The following MTUS2 variants were observed in gnomAD, a reference collection of about 807,000 sequenced individuals.
The protein encoded by MTUS2 is microtubule-associated tumor suppressor candidate 2.
A neutral mutation model predicts 114.1 loss-of-function variants in MTUS2; 40 were observed. The ratio of observed to expected loss-of-function variants is 0.35; its 90% confidence interval spans 0.27 to 0.46. The LOEUF (loss-of-function observed/expected upper bound fraction) is 0.46, where lower values mean the gene tolerates loss of function less well. Ranked by LOEUF, MTUS2 falls within the 20% of genes least tolerant of loss-of-function variation. The pLI is 1.00. For synonymous variants in MTUS2, 688 were observed against 672.0 expected (o/e 1.02, Z -0.37); for missense variants, 1,679 against 1,705.4 (o/e 0.98, Z 0.27).
chr13:29,196,994 ATG>A (rs1894730701), intron 5 of MTUS2, among the ~76,000 whole-genome samples: 2 of 152,080 alleles, frequency 1.3e-5, no homozygotes, highest in Admixed American at 1.3e-4. Flanking sequence ...ACTGGACTAT[ATG>A]GTAGTTCTGT....
intron 6 of MTUS2, among the ~76,000 whole-genome samples, chr13:29,294,128 A>G (rs975882218): frequency 1.3e-5 from 2 of 152,176 alleles, no homozygotes; most frequent in African/African-American, 4.8e-5. Context: ...GTTACAGAAA[A>G]AAATGAAACA....
At chr13:29,453,961 G>A (rs926602445) in intron 9 of MTUS2, among the ~76,000 whole-genome samples, 2 of 152,168 alleles carry the variant, frequency 1.3e-5, no homozygotes, top group Non-Finnish European at 2.9e-5. Flanking sequence ...CCAGGGCCAT[G>A]GTTAGGTATT....
At chr13:29,122,059 A>C (rs1891333806) in intron 5 of MTUS2, among the ~76,000 whole-genome samples, 1 of 152,170 alleles carries the variant, frequency 6.6e-6, no homozygotes, top group Admixed American at 6.5e-5. Context: ...AGTGTAGTAC[A>C]AGTAGGTATA....
intron 6 of MTUS2, among the ~76,000 whole-genome samples, chr13:29,312,137 A>G (rs1431110703): frequency 1.3e-5 from 2 of 152,114 alleles, no homozygotes; most frequent in African/African-American, 4.8e-5. Flanking sequence ...AACCTTCTTC[A>G]CTGAAGCCTT....
intron 8 of MTUS2, among the ~76,000 whole-genome samples, chr13:29,439,049 T>C (rs1275825881): frequency 2.6e-5 from 4 of 152,222 alleles, no homozygotes; most frequent in African/African-American, 9.6e-5. Flanking sequence ...ATGATACTCA[T>C]GCTAGGTATT....
chr13:29,176,640 C>G (rs1430988394), intron 5 of MTUS2, among the ~76,000 whole-genome samples: 1 of 152,186 alleles, frequency 6.6e-6, no homozygotes, highest in African/African-American at 2.4e-5. Context: ...AACAAGCTCC[C>G]CCAGGCCTCT....
At chr13:28,830,380 G>A (rs1365918754) in intron 1 of MTUS2, among the ~76,000 whole-genome samples, 1 of 152,068 alleles carries the variant, frequency 6.6e-6, no homozygotes, top group Non-Finnish European at 1.5e-5. Flanking sequence ...AGAGCTGAAG[G>A]AAACCTTGTC....
At chr13:28,872,311 C>G (rs2138104903) in intron 2 of MTUS2, among the ~76,000 whole-genome samples, 1 of 152,094 alleles carries the variant, frequency 6.6e-6, no homozygotes, top group East Asian at 1.9e-4. Flanking sequence ...GGTTTTTGTC[C>G]TGAGCATTTG....
chr13:28,842,215 T>G (rs974341067), intron 2 of MTUS2, among the ~76,000 whole-genome samples: 1 of 152,144 alleles, frequency 6.6e-6, no homozygotes, highest in African/African-American at 2.4e-5. Context: ...AATGTGGATT[T>G]TTTTTTTAAT....
chr13:28,969,433 T>C (rs9579255), intron 2 of MTUS2, among the ~76,000 whole-genome samples: 35,351 of 152,068 alleles, frequency 0.23, 4,343 homozygotes, highest in Non-Finnish European at 0.26. Context: ...CTTCTAGTTA[T>C]TTGAAACCAT....
At chr13:29,130,191 C>CATGTTTA (rs1261776418) in intron 5 of MTUS2, among the ~76,000 whole-genome samples, 4 of 149,950 alleles carry the variant, frequency 2.7e-5, no homozygotes, top group Non-Finnish European at 6.0e-5. Flanking sequence ...CATTAATTAA[C>CATGTTTA]ACGTTTAACT....
At chr13:29,454,261 C>G (rs1878950668) in intron 9 of MTUS2, among the ~76,000 whole-genome samples, 1 of 152,070 alleles carries the variant, frequency 6.6e-6, no homozygotes, top group Non-Finnish European at 1.5e-5. Flanking sequence ...TTACAAAGGT[C>G]CTGATGAAGA....
chr13:29,448,003 C>T (rs566989506), intron 9 of MTUS2, among the ~76,000 whole-genome samples: 2 of 152,162 alleles, frequency 1.3e-5, no homozygotes, highest in South Asian at 4.2e-4. Context: ...GATGCTCTTC[C>T]TCAGAAAGGA....
At chr13:29,365,500 T>A (rs1330633693) in intron 8 of MTUS2, among the ~76,000 whole-genome samples, 1 of 25,614 alleles carries the variant, frequency 3.9e-5, no homozygotes, top group Non-Finnish European at 1.3e-4. Flanking sequence ...ATACGTTTTT[T>A]TGTTTGGGTT....
At chr13:29,027,652 C>T (rs979212929) in intron 3 of MTUS2, among the ~76,000 whole-genome samples, 6 of 152,104 alleles carry the variant, frequency 3.9e-5, no homozygotes, top group Non-Finnish European at 7.4e-5. Flanking sequence ...TCTGGGTTCA[C>T]GCCATCCTCC....
At chr13:29,336,592 G>A (rs1225192629) in intron 7 of MTUS2, among the ~76,000 whole-genome samples, 1 of 152,182 alleles carries the variant, frequency 6.6e-6, no homozygotes, top group Non-Finnish European at 1.5e-5. Context: ...CTGCTGGGAG[G>A]TATCTCCCAG....
At chr13:29,467,788 A>G (rs1473088900) in intron 9 of MTUS2, among the ~76,000 whole-genome samples, 2 of 152,190 alleles carry the variant, frequency 1.3e-5, no homozygotes, top group Admixed American at 6.5e-5. Context: ...GTCATTATCC[A>G]TTTGTTGAAA....
At chr13:28,869,789 CAA>C (rs932038748) in intron 2 of MTUS2, among the ~76,000 whole-genome samples, 4 of 151,864 alleles carry the variant, frequency 2.6e-5, no homozygotes, top group Non-Finnish European at 5.9e-5. Flanking sequence ...ACAAAACAAA[CAA>C]AAAAAGTAGT....
chr13:29,430,830 G>C (rs546867930), intron 8 of MTUS2, among the ~76,000 whole-genome samples: 4 of 152,112 alleles, frequency 2.6e-5, no homozygotes, highest in Non-Finnish European at 5.9e-5. Flanking sequence ...TCAAACTCTA[G>C]AAATCAGAAT....
Sources: gnomAD v4.1 joint callset for allele counts (sites outside exome capture counted in the v4.1 genomes callset) on GRCh38, gnomAD v4.1.1 for gene constraint, MANE v1.5 for transcripts, NCBI Gene and HGNC (gene_info 2026-07-23, HGNC 2026-07-21) for gene names.